Variants in CHLSN observed in about 807,000 individuals in gnomAD.
The protein encoded by CHLSN is cholesin, also known as protein cholesin.
chr7:986,463 C>A, the CHLSN span: 2 of 778,158 alleles, frequency 2.6e-6, no homozygotes, highest in Non-Finnish European at 4.1e-6. Context: ...AGTTCCTGGT[C>A]CTCCCTTGAG....
At chr7:1,044,573 G>T in the CHLSN span, 7 of 150,700 alleles carry the variant, frequency 4.6e-5, no homozygotes, top group Non-Finnish European at 7.4e-5. Flanking sequence ...GGGCCCGGGC[G>T]GCGTGCGCGC....
At chr7:1,028,815 TG>T in the CHLSN span, 10 of 709,316 alleles carry the variant, frequency 1.4e-5, no homozygotes, top group Middle Eastern at 7.2e-4. Context: ...TCTGACTCCA[TG>T]GCCCCCATCT....
chr7:1,081,349 C>T, the CHLSN span, among the ~76,000 whole-genome samples: 11 of 152,350 alleles, frequency 7.2e-5, no homozygotes, highest in South Asian at 1.0e-3. Context: ...AGTCAGGGGG[C>T]CATGAAAGGT....
chr7:987,397 C>G, the CHLSN span: 2 of 1,594,828 alleles, frequency 1.3e-6, no homozygotes, highest in Admixed American at 1.7e-5. Context: ...GCGGACTCCC[C>G]GGCTGGAGGA....
the CHLSN span, chr7:1,088,125 G>A: frequency 6.6e-6 from 1 of 152,308 alleles, no homozygotes; most frequent in Admixed American, 6.5e-5. This position sits in a 1 kb window ranked among gnomAD's most constrained non-coding sequence, Gnocchi z 4.5. Context: ...TGGCTCAGAG[G>A]GAGGACGCAC....
chr7:1,115,771 AC>A, the CHLSN span, among the ~76,000 whole-genome samples: 8 of 113,918 alleles, frequency 7.0e-5, no homozygotes, highest in South Asian at 3.2e-4. Context: ...CTACAGCACT[AC>A]GGACCGGCTT....
chr7:1,012,645 C>A, the CHLSN span, among the ~76,000 whole-genome samples: 1 of 152,270 alleles, frequency 6.6e-6, no homozygotes, highest in African/African-American at 2.4e-5. Context: ...ACCCACTGCC[C>A]TGGGCTGTGC....
At chr7:1,007,577 A>C in the CHLSN span, among the ~76,000 whole-genome samples, 1 of 152,192 alleles carries the variant, frequency 6.6e-6, no homozygotes, top group Non-Finnish European at 1.5e-5. Flanking sequence ...GACCCCCAGG[A>C]AAGAGGAGAA....
the CHLSN span, among the ~76,000 whole-genome samples, chr7:1,077,148 C>T: frequency 1.3e-5 from 2 of 152,164 alleles, no homozygotes; most frequent in African/African-American, 2.4e-5. Flanking sequence ...CTTTCAGGTC[C>T]TATTTTTATT....
At chr7:984,927 C>G in the CHLSN span, 1 of 1,572,772 alleles carries the variant, frequency 6.4e-7, no homozygotes, top group African/African-American at 1.3e-5. Context: ...CCTGGGCTCA[C>G]CACGCACTGT....
the CHLSN span, among the ~76,000 whole-genome samples, chr7:1,131,111 A>G: frequency 1.3e-5 from 2 of 148,284 alleles, no homozygotes; most frequent in African/African-American, 5.0e-5. Context: ...GGATTGCTTG[A>G]GCCTGGGAGG....
chr7:1,066,324 G>A, the CHLSN span, among the ~76,000 whole-genome samples: 1 of 152,336 alleles, frequency 6.6e-6, no homozygotes, highest in South Asian at 2.1e-4. Flanking sequence ...GGACCCCCAC[G>A]CCGCCTGGAC....
the CHLSN span, among the ~76,000 whole-genome samples, chr7:980,945 A>G: frequency 7.2e-5 from 11 of 151,820 alleles, no homozygotes; most frequent in African/African-American, 2.2e-4. Flanking sequence ...CGCCCACCTC[A>G]GCCTCCCAAA....
At chr7:1,091,758 G>A in the CHLSN span, 169,448 of 1,542,620 alleles carry the variant, frequency 0.11, 9,947 homozygotes, top group South Asian at 0.12. Context: ...CCCGGGGCGT[G>A]GGCCTGGAGA....
the CHLSN span, chr7:1,057,649 AC>A: frequency 1.3e-6 from 1 of 770,936 alleles, no homozygotes; most frequent in Non-Finnish European, 2.4e-6. Flanking sequence ...CTGTGCTACA[AC>A]GCCCTGCTGG....
At chr7:1,060,599 G>A in the CHLSN span, among the ~76,000 whole-genome samples, 20 of 152,218 alleles carry the variant, frequency 1.3e-4, no homozygotes, top group Admixed American at 1.3e-3. Context: ...TATTCATCAC[G>A]TGCTGCAAGC....
the CHLSN span, among the ~76,000 whole-genome samples, chr7:1,097,957 G>GGAAAGA: frequency 3.2e-3 from 488 of 152,324 alleles, 1 homozygote; most frequent in African/African-American, 0.011. The surrounding 1 kb of genome is among the most constrained non-coding windows in gnomAD (Gnocchi z 4.3). Context: ...CTCAGAAGGA[G>GGAAAGA]GAAAGAGATG....
chr7:1,021,901 G>C, the CHLSN span, among the ~76,000 whole-genome samples: 1 of 152,236 alleles, frequency 6.6e-6, no homozygotes, highest in African/African-American at 2.4e-5. Context: ...CTGGGGAGCA[G>C]GAGCCTGAGG....
the CHLSN span, among the ~76,000 whole-genome samples, chr7:1,078,344 CG>C: frequency 7.1e-6 from 1 of 141,032 alleles, no homozygotes; most frequent in Non-Finnish European, 1.6e-5. Context: ...CCACCAGCTG[CG>C]GGGTGGGGGG....
Sources: allele counts gnomAD v4.1 joint callset (sites outside exome capture counted in the v4.1 genomes callset), GRCh38; gene constraint gnomAD v4.1.1; non-coding constraint Gnocchi (gnomAD v3.1); transcripts MANE v1.5; gene names NCBI Gene and HGNC (gene_info 2026-07-23, HGNC 2026-07-21).